Variants in RANBP2 observed in about 807,000 individuals in gnomAD.
The protein encoded by RANBP2 is RAN binding protein 2, also known as E3 SUMO-protein ligase RanBP2.
RANBP2 carries 57 observed loss-of-function variants against 303.6 expected under a neutral mutation model. The ratio of observed to expected loss-of-function variants is 0.19; its 90% CI spans 0.15 to 0.23. The LOEUF (loss-of-function observed/expected upper bound fraction) is 0.23, where lower values mean the gene tolerates loss of function less well. Among genes scored for constraint, RANBP2 ranks in the 10% least tolerant of loss-of-function variants. The pLI is 1.00. For synonymous variants in RANBP2, 1,167 were observed against 1,301.5 expected, an observed-to-expected ratio of 0.90 and a Z score of 2.23; for missense variants, 3,138 against 3,780.8, an observed-to-expected ratio of 0.83 and a Z score of 4.46.
chr2:109,248,206 A>G, the RANBP2 span, among the ~76,000 whole-genome samples: 1 of 152,226 alleles, frequency 6.6e-6, no homozygotes, highest in African/African-American at 2.4e-5. Context: ...ATTGCTATAT[A>G]TGTTGATTCA....
At chr2:109,079,242 C>T in the RANBP2 span, among the ~76,000 whole-genome samples, 4 of 152,208 alleles carry the variant, frequency 2.6e-5, no homozygotes, top group East Asian at 1.9e-4. Flanking sequence ...ATAGTAAATA[C>T]GGTTTCTCTT....
the RANBP2 span, among the ~76,000 whole-genome samples, chr2:109,180,986 A>G: frequency 2.0e-5 from 3 of 152,322 alleles, no homozygotes; most frequent in South Asian, 6.2e-4. Context: ...CCTCAGATTG[A>G]TAACATTCCA....
the RANBP2 span, among the ~76,000 whole-genome samples, chr2:108,982,764 G>C: frequency 1.3e-5 from 2 of 152,148 alleles, no homozygotes; most frequent in Non-Finnish European, 2.9e-5. Flanking sequence ...AGTGTCCCGA[G>C]TCACCTAAGT....
chr2:109,382,457 C>T, the RANBP2 span, among the ~76,000 whole-genome samples: 14 of 152,258 alleles, frequency 9.2e-5, no homozygotes, highest in African/African-American at 2.9e-4. Flanking sequence ...TGACCCCCGA[C>T]GTGGTTGGCC....
In RANBP2 at chr2:108,782,511, CT is replaced by C; in HGVS notation, c.9035-14del. Reference sequence around the variant, plus strand: ...TTTAATACTAAGGTCACTGCTTCCCCTTTCCCTCCCTGCCAGATGGAGAAGC... The same window carrying C: ...TTTAATACTAAGGTCACTGCTTCCCCTTCCCTCCCTGCCAGATGGAGAAGC... On this transcript the variant is annotated splice_polypyrimidine_tract_variant and intron_variant, in intron 27 of 28. Coordinates refer to ENST00000283195, the MANE Select transcript of RANBP2 (RefSeq NM_006267.5). 1 of 1,613,946 alleles carries C rather than the reference CT, an allele frequency of 6.2e-7. No homozygotes were observed. The highest frequency in any genetic ancestry group is 8.5e-7 in the Non-Finnish European group (1 of 1,179,904).
chr2:108,772,523 T>C lies in RANBP2; in HGVS notation c.8055T>C (p.Asn2685=). ...EDFETAVKKL[N]GKLYLDGSEK... ...TCGAAACAGCTGTCAAGAAACTTAA[T>C]GGAAAACTATATTTGGATGGCTCAG... is the stretch of plus-strand genomic sequence containing the variant. Residue 2685 remains asparagine (N), a synonymous_variant, in exon 22 of 29, where the codon AAT becomes AAC. Transcript: ENST00000283195. The C allele has an allele frequency of 6.2e-7, 1 of 1,613,754 alleles. No homozygotes were observed. The highest frequency in any genetic ancestry group is 8.5e-7 in the Non-Finnish European group (1 of 1,179,812).
chr2:109,322,596 T>G, the RANBP2 span, among the ~76,000 whole-genome samples: 1 of 152,226 alleles, frequency 6.6e-6, no homozygotes, highest in South Asian at 2.1e-4. Flanking sequence ...ATTTGCTGAA[T>G]GAATAAATCT....
the RANBP2 span, among the ~76,000 whole-genome samples, chr2:109,136,738 G>C: frequency 2.0e-5 from 3 of 152,322 alleles, no homozygotes; most frequent in African/African-American, 7.2e-5. Flanking sequence ...AATGTAATGT[G>C]TGCATAAGGC....
the RANBP2 span, among the ~76,000 whole-genome samples, chr2:109,020,671 AG>A: frequency 6.6e-6 from 1 of 152,380 alleles, no homozygotes; most frequent in East Asian, 1.9e-4. Context: ...CCAGGAGGTC[AG>A]GGAGCCTGCC....
chr2:109,404,705 C>G, the RANBP2 span, among the ~76,000 whole-genome samples: 2 of 152,196 alleles, frequency 1.3e-5, no homozygotes, highest in Non-Finnish European at 1.5e-5. Flanking sequence ...TGCGGAAGGC[C>G]CATTCTCATT....
At chr2:109,281,282 G>T in the RANBP2 span, among the ~76,000 whole-genome samples, 1 of 152,216 alleles carries the variant, frequency 6.6e-6, no homozygotes, top group African/African-American at 2.4e-5. Flanking sequence ...GGTTTTGTTG[G>T]GGTGGAGCAC....
chr2:109,064,810 G>T, the RANBP2 span, among the ~76,000 whole-genome samples: 1 of 152,260 alleles, frequency 6.6e-6, no homozygotes, highest in East Asian at 1.9e-4. Flanking sequence ...TGATGTGCCT[G>T]GGGCTCTGTA....
At chr2:109,639,643 A>C in the RANBP2 span, among the ~76,000 whole-genome samples, 1 of 152,086 alleles carries the variant, frequency 6.6e-6, no homozygotes, top group South Asian at 2.1e-4. Context: ...AAAAAAAATA[A>C]AAAAATGGGC....
the RANBP2 span, among the ~76,000 whole-genome samples, chr2:109,415,141 G>A: frequency 1.1e-5 from 1 of 90,048 alleles, no homozygotes; most frequent in Non-Finnish European, 2.1e-5. Context: ...AAGCTGCAAA[G>A]GCAGGGAATT....
chr2:108,906,083 G>A, the RANBP2 span, among the ~76,000 whole-genome samples: 1 of 149,686 alleles, frequency 6.7e-6, no homozygotes. Flanking sequence ...CCCGCCCCAT[G>A]AGGGGAAGGC....
the RANBP2 span, among the ~76,000 whole-genome samples, chr2:108,837,483 A>G: frequency 6.6e-6 from 1 of 152,206 alleles, no homozygotes; most frequent in African/African-American, 2.4e-5. Flanking sequence ...TGGTCCCATA[A>G]TATTATAATG....
the RANBP2 span, among the ~76,000 whole-genome samples, chr2:109,259,754 C>T: frequency 6.6e-6 from 1 of 152,202 alleles, no homozygotes; most frequent in East Asian, 1.9e-4. Flanking sequence ...GGAGGCTTCA[C>T]GTAGGTGCAT....
the RANBP2 span, among the ~76,000 whole-genome samples, chr2:109,395,599 C>T: frequency 6.6e-6 from 1 of 152,226 alleles, no homozygotes; most frequent in Non-Finnish European, 1.5e-5. Context: ...GCTGGGGTTG[C>T]TAAGGCATGA....
chr2:109,496,448 A>C, the RANBP2 span, among the ~76,000 whole-genome samples: 1 of 152,196 alleles, frequency 6.6e-6, no homozygotes, highest in Non-Finnish European at 1.5e-5. Context: ...TCCCCACTCG[A>C]CCCAGGAAGT....
Sources: allele counts gnomAD v4.1 joint callset (sites outside exome capture counted in the v4.1 genomes callset), GRCh38; gene constraint gnomAD v4.1.1; transcripts MANE v1.5; gene names NCBI Gene and HGNC (gene_info 2026-07-23, HGNC 2026-07-21).